Variants in CFAP58 observed in about 807,000 individuals in gnomAD.
CFAP58 encodes cilia and flagella associated protein 58, also known as cilia- and flagella-associated protein 58.
Under a neutral mutation model 119.5 loss-of-function variants are expected in CFAP58, and 88 were observed. The observed-to-expected ratio is 0.74, with a 90% CI of 0.62 to 0.88. The LOEUF is 0.88. Ranked by LOEUF, CFAP58 falls within the 40% of genes least tolerant of loss-of-function variation. The pLI is 0.00. For missense variants in CFAP58, 990 were observed against 1,021.2 expected, an observed-to-expected ratio of 0.97 and a Z score of 0.42; for synonymous variants, 365 against 366.3, an observed-to-expected ratio of 1.00 and a Z score of 0.04.
At chr10:104,450,284 T>G (rs1489467630) in intron 17 of CFAP58, 80 bp downstream of exon 17, 1 of 1,473,704 alleles carries the variant, frequency 6.8e-7, no homozygotes, top group Non-Finnish European at 9.4e-7. Context: ...AGTCACAGAG[T>G]TGCAAGTTTC....
chr10:104,357,892 CATATATGT>C lies in CFAP58; in HGVS notation c.10-447_10-440del, dbSNP rs2014584424. On this transcript the variant is annotated intron_variant, in intron 1 of 17. Transcript: ENST00000369704. ...ACACATATATGTACACATATATAAACATATATGTACACATATACACACATATATGTACA... is the reference window on the plus strand; with the variant it reads ...ACACATATATGTACACATATATAAACACACATATACACACATATATGTACA... Among the ~76,000 whole-genome samples, 9 of 119,374 alleles carry C rather than the reference CATATATGT, an allele frequency of 7.5e-5. 1 individual carries two copies. Among genetic ancestry groups the C allele is most frequent in the Non-Finnish European group, 1.3e-4 (8 of 59,448 alleles). 78.3% of individuals were successfully genotyped at this position (119,374 alleles called of 152,430 possible).
chr10:104,411,805 T>G lies in CFAP58; in HGVS notation c.2256+5012T>G, dbSNP rs904400212. ...CCAGAGCCCAGGAGAGATAGTTAGG[T>G]TTCCTTGTGGTCTTCCTGTCCCAGT... is the stretch of plus-strand genomic sequence containing the variant. On this transcript the variant is annotated intron_variant, in intron 15 of 17. Coordinates refer to ENST00000369704, the MANE Select transcript of CFAP58 (RefSeq NM_001008723.2). Among the ~76,000 whole-genome samples the G allele has an allele frequency of 3.3e-5, 5 of 152,046 alleles. No individual in the cohort carries two copies. In the East Asian group the frequency reaches 9.6e-4, roughly 29 times the overall value.
intron 7 of CFAP58, among the ~76,000 whole-genome samples, chr10:104,374,298 A>G (rs2014860269): frequency 6.6e-6 from 1 of 151,316 alleles, no homozygotes; most frequent in Admixed American, 6.6e-5. Flanking sequence ...CATCTCTACC[A>G]GAAAAAAAAA....
At chr10:104,356,750 G>T (rs78652022) in intron 1 of CFAP58, among the ~76,000 whole-genome samples, 1,772 of 152,032 alleles carry the variant, frequency 0.012, 46 homozygotes, top group African/African-American at 0.041. Flanking sequence ...TACATTTTAT[G>T]ATAGGGATCA....
At chr10:104,416,509 G>A (rs1468172616) in intron 15 of CFAP58, among the ~76,000 whole-genome samples, 2 of 152,144 alleles carry the variant, frequency 1.3e-5, no homozygotes, top group Non-Finnish European at 2.9e-5. Flanking sequence ...ACTGTAAAAT[G>A]GCTTGAATGA....
intron 9 of CFAP58, among the ~76,000 whole-genome samples, chr10:104,391,704 G>T (rs1333027336): frequency 6.6e-6 from 1 of 152,154 alleles, no homozygotes; most frequent in East Asian, 1.9e-4. Context: ...ACAATAGAAT[G>T]CATTTTTACG....
At chr10:104,349,163 G>A (rs565621233), upstream of CFAP58, among the ~76,000 whole-genome samples, 7 of 152,144 alleles carry the variant, frequency 4.6e-5, no homozygotes, top group Admixed American at 6.5e-5. Flanking sequence ...CAGGAGAATC[G>A]CTTGAACCTG....
intron 14 of CFAP58, among the ~76,000 whole-genome samples, chr10:104,405,760 T>C (rs1488809756): frequency 6.6e-6 from 1 of 152,184 alleles, no homozygotes; most frequent in Non-Finnish European, 1.5e-5. Context: ...CTGTTGACAA[T>C]TACCAAAGGA....
rs545459166 is a variant in CFAP58, at chr10:104,438,455, C to A, written c.2257-9243C>A. On this transcript the variant is annotated intron_variant, in intron 15 of 17. Transcript: ENST00000369704. ...CAGTGGCGCAATCTCGGCTCACTGCCAGCTCCGCTTCCCGGGTTCACGCCA... is the reference window on the plus strand; with the variant it reads ...CAGTGGCGCAATCTCGGCTCACTGCAAGCTCCGCTTCCCGGGTTCACGCCA... Among the ~76,000 whole-genome samples the A allele has an allele frequency of 7.5e-3, 1,124 of 149,958 alleles. 7 individuals carry two copies. The highest frequency in any genetic ancestry group is 0.013 in the Admixed American group (202 of 15,108).
intron 4 of CFAP58, 33 bp downstream of exon 4, chr10:104,364,922 T>G: frequency 6.3e-7 from 1 of 1,599,518 alleles, no homozygotes; most frequent in Non-Finnish European, 8.5e-7. Flanking sequence ...AAGGAATATT[T>G]CCTTCCAGAG....
intron 14 of CFAP58, 132 bp from the exon 15 acceptor site, chr10:104,406,557 G>T: frequency 1.6e-6 from 1 of 640,954 alleles, no homozygotes; most frequent in Non-Finnish European, 2.7e-6. Flanking sequence ...TTTATTTTTG[G>T]TTCTAATTCT....
chr10:104,403,863 C>G (rs776024404), intron 14 of CFAP58, 23 bp downstream of exon 14: 1 of 1,469,352 alleles, frequency 6.8e-7, no homozygotes, highest in Admixed American at 1.8e-5. Flanking sequence ...AGCGTGTTCT[C>G]CCCATCCCCA....
chr10:104,399,250 C>A, intron 11 of CFAP58, 110 bp from the exon 12 acceptor site: 1 of 1,135,896 alleles, frequency 8.8e-7, no homozygotes, highest in Non-Finnish European at 1.2e-6. Flanking sequence ...TTAAATGAAA[C>A]ATCAGAGGAA....
At chr10:104,389,871 C>T (rs1200096778) in intron 9 of CFAP58, among the ~76,000 whole-genome samples, 1 of 152,098 alleles carries the variant, frequency 6.6e-6, no homozygotes, top group Non-Finnish European at 1.5e-5. Context: ...AGATATAGGC[C>T]TAGCTCACTT....
chr10:104,448,763 T>C, intron 16 of CFAP58, among the ~76,000 whole-genome samples: 1 of 152,394 alleles, frequency 6.6e-6, no homozygotes. Flanking sequence ...TTCATTTCAC[T>C]TGAGTATCTT....
intron 15 of CFAP58, among the ~76,000 whole-genome samples, chr10:104,434,153 G>A (rs1230829590): frequency 6.6e-6 from 1 of 152,140 alleles, no homozygotes; most frequent in African/African-American, 2.4e-5. Flanking sequence ...AGGACCACAT[G>A]GATAATGTCT....
chr10:104,387,359 G>A (rs991674201), intron 9 of CFAP58, among the ~76,000 whole-genome samples: 2 of 152,106 alleles, frequency 1.3e-5, no homozygotes, highest in Non-Finnish European at 2.9e-5. Flanking sequence ...CTTCTCATGG[G>A]GGAAGGAAGG....
intron 6 of CFAP58, 152 bp downstream of exon 6, chr10:104,368,712 A>C: frequency 1.4e-6 from 1 of 695,388 alleles, no homozygotes; most frequent in Non-Finnish European, 2.3e-6. Flanking sequence ...TGATTGCTTT[A>C]GGCCCAGAAG....
intron 1 of CFAP58, among the ~76,000 whole-genome samples, chr10:104,357,508 C>T (rs1044866592): frequency 2.6e-5 from 4 of 152,122 alleles, no homozygotes; most frequent in African/African-American, 9.7e-5. Flanking sequence ...CTGCCCTTTG[C>T]AGTCTTAGGG....
Sources: allele counts gnomAD v4.1 joint callset (sites outside exome capture counted in the v4.1 genomes callset), GRCh38; gene constraint gnomAD v4.1.1; transcripts MANE v1.5; gene names NCBI Gene and HGNC (gene_info 2026-07-23, HGNC 2026-07-21).